Variants in NUCB2 observed in about 807,000 individuals in gnomAD.
NUCB2 encodes the protein nucleobindin-2.
In NUCB2, 48 loss-of-function variants were observed where a neutral mutation model predicts 57.9. That is an observed-to-expected ratio of 0.83 (90% CI 0.66 to 1.05). The LOEUF (loss-of-function observed/expected upper bound fraction) is 1.05, where lower values mean the gene tolerates loss of function less well. Ranked by LOEUF, NUCB2 falls within the 50% of genes least tolerant of loss-of-function variation. The pLI is 0.00. For synonymous variants in NUCB2, 139 were observed against 152.1 expected, an observed-to-expected ratio of 0.91 and a Z score of 0.64; for missense variants, 442 against 476.2, an observed-to-expected ratio of 0.93 and a Z score of 0.67.
intron 4 of NUCB2, among the ~76,000 whole-genome samples, chr11:17,297,135 T>TA (rs944998025): frequency 4.6e-5 from 7 of 151,726 alleles, no homozygotes; most frequent in South Asian, 2.1e-4. Flanking sequence ...ACTCAGTGAG[T>TA]AAAAAAAAAT....
chr11:17,322,903 G>A (rs1230814601), intron 11 of NUCB2, among the ~76,000 whole-genome samples: 2 of 151,790 alleles, frequency 1.3e-5, no homozygotes, highest in South Asian at 4.1e-4. Context: ...ATATAGAAAT[G>A]CTGCTGATTT....
chr11:17,306,778 TG>T (rs1461565482), intron 5 of NUCB2, among the ~76,000 whole-genome samples: 2 of 151,818 alleles, frequency 1.3e-5, no homozygotes, highest in African/African-American at 4.8e-5. Flanking sequence ...AATAGCCAGA[TG>T]TGGTGGCATG....
rs550714434 is a variant in NUCB2, at chr11:17,306,539, T to G, written c.380-3033T>G. 8.5e-5 allele frequency among the ~76,000 whole-genome samples: 13 copies of G among 152,282 alleles called. No homozygotes were observed. The South Asian group carries it at 1.7e-3, about 19-fold the overall frequency. ...GCCAGGCCTAAGATGTGTGGAGATT[T>G]CTCTCCCTGGGACAACTTCCATCCC... is the stretch of plus-strand genomic sequence containing the variant. On this transcript the variant is annotated intron_variant, in intron 5 of 13. Coordinates refer to ENST00000529010, the MANE Select transcript of NUCB2 (RefSeq NM_005013.4).
At position 17,286,921 on chromosome 11, in the gene NUCB2, AT is replaced by A. The variant is rs892336524; in HGVS notation, c.-1+3988del. Among the ~76,000 whole-genome samples the A allele has an allele frequency of 3.3e-3, 497 of 149,868 alleles. 4 individuals carry two copies. Among genetic ancestry groups the A allele is most frequent in the African/African-American group, 0.011 (431 of 40,986 alleles). On this transcript the variant is annotated intron_variant, in intron 2 of 13. Coordinates refer to ENST00000529010, the MANE Select transcript of NUCB2 (RefSeq NM_005013.4). ...TGCCTAATGTGCTGGAATACTTACC[AT>A]TTTTTTTTTAAATACAGTTGATGTT...
chr11:17,341,279 C>T (rs1267534685), intron 2 of NUCB2, among the ~76,000 whole-genome samples: 1 of 151,906 alleles, frequency 6.6e-6, no homozygotes, highest in African/African-American at 2.4e-5. Flanking sequence ...AATTTGACTT[C>T]CTCTTTTCCT....
chr11:17,310,405 G>A (rs1948307594), intron 6 of NUCB2, among the ~76,000 whole-genome samples: 1 of 152,170 alleles, frequency 6.6e-6, no homozygotes, highest in Admixed American at 6.5e-5. Context: ...GGGAGGCCAA[G>A]GAGGGTGGAT....
intron 1 of NUCB2, among the ~76,000 whole-genome samples, chr11:17,277,447 A>G (rs1236986278): frequency 6.6e-6 from 1 of 152,116 alleles, no homozygotes; most frequent in Non-Finnish European, 1.5e-5. Flanking sequence ...GGTGTTTGCA[A>G]CGGTCTTAGA....
chr11:17,312,159 G>A (rs1212233477), intron 10 of NUCB2, 39 bp downstream of exon 10: 1 of 962,792 alleles, frequency 1.0e-6, no homozygotes, highest in Admixed American at 2.4e-5. Context: ...TTATTTCTAT[G>A]TATTATTTAA....
intron 10 of NUCB2, among the ~76,000 whole-genome samples, chr11:17,314,392 T>C (rs1051609463): frequency 3.3e-5 from 5 of 152,188 alleles, no homozygotes; most frequent in Admixed American, 2.6e-4. Flanking sequence ...CCTTGTAATA[T>C]GATCCCAAAT....
At chr11:17,339,314 T>A (rs1952057249) in intron 2 of NUCB2, among the ~76,000 whole-genome samples, 1 of 152,180 alleles carries the variant, frequency 6.6e-6, no homozygotes, top group South Asian at 2.1e-4. Context: ...GAGTAATGAT[T>A]TATTTTCCAC....
At chr11:17,293,239 G>A (rs1256624945) in intron 2 of NUCB2, among the ~76,000 whole-genome samples, 3 of 135,224 alleles carry the variant, frequency 2.2e-5, no homozygotes, top group Non-Finnish European at 4.6e-5. Context: ...GGGCGATAGA[G>A]CAAGACTCTG....
chr11:17,346,226 A>G (rs1430794539), intron 2 of NUCB2, among the ~76,000 whole-genome samples: 1 of 152,184 alleles, frequency 6.6e-6, no homozygotes, highest in Non-Finnish European at 1.5e-5. Context: ...TCCTGCTTCA[A>G]GTCTTCCAGT....
rs1952917777 is a variant in NUCB2 at position 17,348,319 on chromosome 11, G to GGTTTTTTT, written n.2627-1026_2627-1025insGTTTTTTT. 4.7e-5 allele frequency among the ~76,000 whole-genome samples: 4 copies of GGTTTTTTT among 84,450 alleles called. 1 individual carries two copies. Among genetic ancestry groups the GGTTTTTTT allele is most frequent in the African/African-American group, 2.0e-4 (4 of 20,050 alleles). The allele number at this position is 84,450 out of a possible 152,430, so 55.4% of individuals were successfully genotyped here. ...TGAGGTGTTTTTTGTTTGTTTTTGT[G>GGTTTTTTT]TTTTTTTTTTTTTTTTTTTTTTTTT... On this transcript the variant is annotated intron_variant and non_coding_transcript_variant, in intron 2 of 2. Coordinates refer to the NUCB2 transcript ENST00000532240.
chr11:17,338,983 A>G (rs906766478), intron 2 of NUCB2, among the ~76,000 whole-genome samples: 1 of 132,962 alleles, frequency 7.5e-6, no homozygotes, highest in Non-Finnish European at 1.6e-5. Context: ...TTTTTATTTT[A>G]TTTTATTTAT....
At chr11:17,336,753 C>CAAAAAAAAA (rs71047542), downstream of NUCB2, among the ~76,000 whole-genome samples, 1 of 47,426 alleles carries the variant, frequency 2.1e-5, no homozygotes, top group African/African-American at 9.3e-5. Context: ...GACTCCGTCT[C>CAAAAAAAAA]AAAAAAAAAA....
chr11:17,297,688 G>T (rs189917414), intron 4 of NUCB2, among the ~76,000 whole-genome samples: 1 of 152,158 alleles, frequency 6.6e-6, no homozygotes, highest in East Asian at 1.9e-4. Context: ...TCCTGGATTG[G>T]TGCAGGGAAT....
intron 1 of NUCB2, among the ~76,000 whole-genome samples, chr11:17,279,107 C>T (rs1201186767): frequency 1.3e-5 from 2 of 152,108 alleles, no homozygotes; most frequent in Non-Finnish European, 1.5e-5. Flanking sequence ...GCAGGGGAAT[C>T]GCTTGAACCT....
At chr11:17,277,843 T>C (rs214082) in intron 1 of NUCB2, among the ~76,000 whole-genome samples, 94,861 of 152,092 alleles carry the variant, frequency 0.62, 29,804 homozygotes, top group East Asian at 0.82. Flanking sequence ...AAGGAATGTT[T>C]TTGTTTTTTG....
intron 2 of NUCB2, among the ~76,000 whole-genome samples, chr11:17,348,016 T>C (rs1952884495): frequency 6.6e-6 from 1 of 152,232 alleles, no homozygotes; most frequent in African/African-American, 2.4e-5. Context: ...TTTTTATGTC[T>C]TTTTATTTCA....
Sources: gnomAD v4.1 joint callset for allele counts (sites outside exome capture counted in the v4.1 genomes callset) on GRCh38, gnomAD v4.1.1 for gene constraint, MANE v1.5 for transcripts, NCBI Gene and HGNC (gene_info 2026-07-23, HGNC 2026-07-21) for gene names.